The following FANK1 variants were observed in gnomAD, a reference collection of about 807,000 sequenced individuals.
The protein encoded by FANK1 is fibronectin type III and ankyrin repeat domains 1.
Under a neutral mutation model 45.3 loss-of-function variants are expected in FANK1, and 44 were observed. That is an observed-to-expected ratio of 0.97 (90% CI 0.76 to 1.25). FANK1 has a LOEUF of 1.25. Ranked by LOEUF, FANK1 falls within the 50% of genes most tolerant of loss-of-function variation. FANK1 has a pLI of 0.00. For missense variants in FANK1, 391 were observed against 424.4 expected (o/e 0.92, Z 0.69); for synonymous variants, 149 against 152.5 (o/e 0.98, Z 0.17).
intron 6 of FANK1, among the ~76,000 whole-genome samples, chr10:125,999,202 T>TTG (rs202006922): frequency 0.038 from 5,639 of 147,772 alleles, 268 homozygotes; most frequent in East Asian, 0.11. Flanking sequence ...AAGTATCTTT[T>TTG]TTTTTTTTTT....
intron 1 of FANK1, among the ~76,000 whole-genome samples, chr10:125,924,669 C>T (rs1247482481): frequency 1.3e-5 from 2 of 151,824 alleles, no homozygotes; most frequent in East Asian, 2.0e-4. Context: ...ATTAGCCTGG[C>T]GTGGTGGTGT....
intron 1 of FANK1, among the ~76,000 whole-genome samples, chr10:125,945,256 G>A (rs1432065506): frequency 6.6e-6 from 1 of 152,180 alleles, no homozygotes; most frequent in African/African-American, 2.4e-5. Flanking sequence ...AGCCAAGATG[G>A]CCGAATAGGA....
In FANK1 at chr10:125,986,512, C is replaced by T. The variant is rs972407802; in HGVS notation, c.192-2039C>T. ...ATGTTAGAGTTGTCTCCAGATTTCA[C>T]GGAGGCACCTCTTTCCTGGACGTGC... On this transcript the variant is annotated intron_variant, in intron 2 of 10. Transcript: ENST00000368693. Among the ~76,000 whole-genome samples, 12 of 152,292 alleles carry T rather than the reference C, an allele frequency of 7.9e-5. 1 individual carries two copies. The South Asian group carries it at 1.5e-3, about 18-fold the overall frequency.
intron 1 of FANK1, among the ~76,000 whole-genome samples, chr10:125,976,977 T>A (rs552606769): frequency 1.3e-5 from 2 of 152,148 alleles, no homozygotes; most frequent in East Asian, 3.9e-4. Context: ...GGTTTTTTTT[T>A]ATGCTGGCTA....
chr10:125,986,065 C>G (rs541173940), intron 2 of FANK1, among the ~76,000 whole-genome samples: 13 of 152,308 alleles, frequency 8.5e-5, no homozygotes, highest in African/African-American at 3.1e-4. Context: ...GAACTAGACT[C>G]TAACTCTGGC....
At chr10:125,918,585 A>AAAAAAAAAAAAAAATAT (rs1554913277) in intron 1 of FANK1, among the ~76,000 whole-genome samples, 1 of 70,976 alleles carries the variant, frequency 1.4e-5, no homozygotes, top group African/African-American at 7.9e-5. Flanking sequence ...AAAAAAAAAA[A>AAAAAAAAAAAAAAATAT]ATATATATAT....
At chr10:125,899,304 C>T (rs1253215951) in intron 1 of FANK1, among the ~76,000 whole-genome samples, 1 of 152,238 alleles carries the variant, frequency 6.6e-6, no homozygotes, top group African/African-American at 2.4e-5. Context: ...AGGTGATCCT[C>T]CCGCCCTGGC....
At chr10:125,971,283 T>C (rs1408572702) in intron 1 of FANK1, among the ~76,000 whole-genome samples, 1 of 152,084 alleles carries the variant, frequency 6.6e-6, no homozygotes, top group Non-Finnish European at 1.5e-5. Context: ...CCATAGTGTC[T>C]GCAAGTAAAC....
At chr10:125,967,901 T>C (rs1420267846) in intron 1 of FANK1, among the ~76,000 whole-genome samples, 1 of 152,238 alleles carries the variant, frequency 6.6e-6, no homozygotes, top group Non-Finnish European at 1.5e-5. Flanking sequence ...TAGGAGATCT[T>C]ACAACCATTT....
intron 1 of FANK1, among the ~76,000 whole-genome samples, chr10:125,938,135 A>T (rs1453647840): frequency 1.3e-5 from 2 of 152,178 alleles, no homozygotes; most frequent in Non-Finnish European, 2.9e-5. Context: ...TTTTGATACT[A>T]TTTTGTATGT....
chr10:125,989,519 G>A, intron 3 of FANK1: 1 of 777,472 alleles, frequency 1.3e-6, no homozygotes, highest in Non-Finnish European at 2.3e-6. Context: ...GTAGACTAAA[G>A]TTAACTCAGC....
chr10:125,938,824 C>T (rs1276838959), intron 1 of FANK1, among the ~76,000 whole-genome samples: 2 of 152,002 alleles, frequency 1.3e-5, no homozygotes, highest in East Asian at 1.9e-4. Flanking sequence ...AAACACCCCC[C>T]TGCCAAAACT....
chr10:125,945,926 C>G (rs1190761688), intron 1 of FANK1, among the ~76,000 whole-genome samples: 1 of 152,176 alleles, frequency 6.6e-6, no homozygotes, highest in African/African-American at 2.4e-5. Flanking sequence ...ACTGCCTCCT[C>G]AAGTGGGTCC....
chr10:125,990,209 C>A (rs572033313), intron 3 of FANK1, among the ~76,000 whole-genome samples: 1 of 152,198 alleles, frequency 6.6e-6, no homozygotes, highest in African/African-American at 2.4e-5. Context: ...ACCTACATTG[C>A]GGGCTCCGAA....
chr10:126,004,332 G>A (rs17153934), intron 6 of FANK1: 30,724 of 151,680 alleles, frequency 0.2, 4,043 homozygotes, highest in East Asian at 0.31. Flanking sequence ...TTTACCCTCA[G>A]TTACAGTCAC....
intron 7 of FANK1, among the ~76,000 whole-genome samples, chr10:126,005,781 T>G (rs1168684410): frequency 6.6e-6 from 1 of 152,260 alleles, no homozygotes; most frequent in Non-Finnish European, 1.5e-5. Flanking sequence ...GTAATTTTTA[T>G]TCTTGGTTTG....
At chr10:125,923,926 A>C (rs1160867543) in intron 1 of FANK1, among the ~76,000 whole-genome samples, 1 of 152,216 alleles carries the variant, frequency 6.6e-6, no homozygotes, top group Non-Finnish European at 1.5e-5. Context: ...ATCTTGCTAA[A>C]GGTCTGTGAA....
chr10:125,951,012 A>G (rs1949179758), intron 1 of FANK1, among the ~76,000 whole-genome samples: 1 of 146,994 alleles, frequency 6.8e-6, no homozygotes, highest in African/African-American at 2.5e-5. Flanking sequence ...CAAACACCGC[A>G]TATTCTCACT....
chr10:125,913,277 C>T (rs574593313), intron 1 of FANK1, among the ~76,000 whole-genome samples: 91 of 152,208 alleles, frequency 6.0e-4, no homozygotes, highest in African/African-American at 2.2e-3. Context: ...CACCTAAACG[C>T]TGCATGACAC....
Sources: gnomAD v4.1 joint callset for allele counts (sites outside exome capture counted in the v4.1 genomes callset) on GRCh38, gnomAD v4.1.1 for gene constraint, MANE v1.5 for transcripts, NCBI Gene and HGNC (gene_info 2026-07-23, HGNC 2026-07-21) for gene names.